ALPK3: variants seen among roughly 807,000 people sequenced by gnomAD.
ALPK3 encodes the protein alpha-protein kinase 3.
In ALPK3, 102 loss-of-function variants were observed where a neutral mutation model predicts 140.0. That is an observed-to-expected ratio of 0.73 (90% CI 0.62 to 0.86). ALPK3 has a LOEUF of 0.86. Ranked by LOEUF, ALPK3 falls within the 40% of genes least tolerant of loss-of-function variation. ALPK3 has a pLI of 0.00. For synonymous variants in ALPK3, 938 were observed against 898.5 expected, an observed-to-expected ratio of 1.04 and a Z score of -0.79; for missense variants, 2,254 against 2,208.2, an observed-to-expected ratio of 1.02 and a Z score of -0.42.
Position 84,864,463 on chromosome 15 carries a change from C to A in ALPK3, c.4521C>A (p.Ile1507=). Residue 1507 remains isoleucine (I), a synonymous_variant, in exon 12 of 14, where the codon ATC becomes ATA. Transcript: ENST00000258888. ...EVPEIIPLYL[I]YRPANNIPYA... is the part of the protein sequence containing the mutation. The stretch of plus-strand genomic sequence containing the variant: ...TTAGGATCATCCCACTGTATCTGAT[C>A]TACCGGCCTGCAAACAATATCCCAT... 6.2e-7 allele frequency: 1 copy of A among 1,614,182 alleles called. No individual in the cohort carries two copies. The highest frequency in any genetic ancestry group is 8.5e-7 in the Non-Finnish European group (1 of 1,180,032).
intron 1 of ALPK3, 65 bp from the exon 2 acceptor site, chr15:84,823,265 G>C (rs1055379327): frequency 1.3e-6 from 2 of 1,582,738 alleles, no homozygotes; most frequent in Non-Finnish European, 1.7e-6. Flanking sequence ...GTTTGCGACT[G>C]TTGATTTCGC....
In ALPK3 at chr15:84,858,464, C is replaced by G; in HGVS notation, c.3726C>G (p.Pro1242=). The G allele has an allele frequency of 6.4e-7, 1 of 1,570,626 alleles. No individual in the cohort carries two copies. Among genetic ancestry groups the G allele is most frequent in the Non-Finnish European group, 8.6e-7 (1 of 1,162,480 alleles). ...ELAAGDLGPS[P]KAGGLDTEVA... is the part of the protein sequence containing the mutation. ...CGGCAGGAGACCTGGGCCCCAGCCC[C>G]AAGGCCGGCGGTCTGGACACAGAGG... Residue 1242 remains proline (P), a synonymous_variant, in exon 6 of 14, where the codon CCC becomes CCG. Coordinates refer to ENST00000258888, the MANE Select transcript of ALPK3 (RefSeq NM_020778.5).
chr15:84,868,055 C>T, intron 13 of ALPK3, 56 bp from the exon 14 acceptor site: 1 of 1,544,642 alleles, frequency 6.5e-7, no homozygotes, highest in Admixed American at 1.9e-5. Context: ...GTCCGCCCCC[C>T]AAGGAACTGT....
Position 84,840,801 on chromosome 15 carries a change from T to G in ALPK3, c.1522T>G (p.Cys508Gly), listed in dbSNP as rs114207635. ...TTCTTCTCTGAGTCAAGCTCCAGAA[T>G]GCGGGGCCCAGAGCTTAGGAAAGGC... ...PISSLSQAPE[C>G]GAQSLGKAPP... Residue 508 changes from cysteine to glycine, a missense_variant, in exon 5 of 14, where the codon TGC becomes GGC. By Grantham distance (159) the Cys-to-Gly change is radical. This residue lies in a region of ALPK3 where 2,088 missense variants were observed against 2,022.9 expected (regional missense o/e 1.03). Coordinates refer to ENST00000258888, the MANE Select transcript of ALPK3 (RefSeq NM_020778.5). The G allele has an allele frequency of 1.1e-3, 1,784 of 1,614,178 alleles. 8 individuals are homozygous for G. The African/African-American group carries it at 0.014, about 13-fold the overall frequency.
intron 11 of ALPK3, 47 bp from the exon 12 acceptor site, chr15:84,864,395 T>C (rs764739200): frequency 6.4e-7 from 1 of 1,570,714 alleles, no homozygotes; most frequent in Non-Finnish European, 8.7e-7. Flanking sequence ...AGGGAGGAGC[T>C]CTCTGGGCCA....
At chr15:84,852,509 C>G in intron 5 of ALPK3, 1 of 271,162 alleles carries the variant, frequency 3.7e-6, no homozygotes, top group African/African-American at 2.2e-5. Context: ...CTTATATCTC[C>G]CCAGGAAAAC....
In ALPK3 at chr15:84,857,875, G is replaced by T. The variant is rs184951836; in HGVS notation, c.3137G>T (p.Arg1046Leu). ...CGCCGCCTCACCGGCCTCCTGGACC[G>T]TGAGGTGCAGGCTGGCCGCCAGGCC... ...TSRRLTGLLD[R>L]EVQAGRQALA... Residue 1046 changes from arginine (R) to leucine (L), a missense_variant, in exon 6 of 14, where the codon CGT (arginine) becomes CTT (leucine). Physicochemically the swap from Arg to Leu is moderately radical, Grantham distance 102. This residue lies in a region of ALPK3 where 2,088 missense variants were observed against 2,022.9 expected (regional missense o/e 1.03). Transcript: ENST00000258888. The T allele has an allele frequency of 6.2e-7, 1 of 1,612,498 alleles. No homozygotes were observed. The highest frequency in any genetic ancestry group is 8.5e-7 in the Non-Finnish European group (1 of 1,179,518).
chr15:84,832,460 T>C (rs1369139016), intron 3 of ALPK3, among the ~76,000 whole-genome samples: 1 of 152,216 alleles, frequency 6.6e-6, no homozygotes. Context: ...AGATGGCATG[T>C]TCATTCTGCC....
intron 1 of ALPK3, 83 bp downstream of exon 1, chr15:84,817,678 G>A (rs1963377014): frequency 7.4e-7 from 1 of 1,360,536 alleles, no homozygotes; most frequent in Non-Finnish European, 9.5e-7. Flanking sequence ...GGCCCCTGGA[G>A]GCCTGGGCTG....
chr15:84,837,766 C>G (rs141502455), intron 3 of ALPK3, among the ~76,000 whole-genome samples: 5 of 152,352 alleles, frequency 3.3e-5, no homozygotes, highest in Admixed American at 2.0e-4. Flanking sequence ...TTGCAACTCT[C>G]TCTGTCTTCC....
In ALPK3 at chr15:84,865,851, G is replaced by T. The variant is rs1219324383; in HGVS notation, c.4723+1186G>T. 2.0e-5 allele frequency among the ~76,000 whole-genome samples: 3 copies of T among 152,188 alleles called. No individual in the cohort carries two copies. The East Asian group carries it at 5.8e-4, about 29-fold the overall frequency. ...AGCTATTTGGGAGGGCAGGGCTTGA[G>T]AATTGCTTGAACCCGGGAGGCAGAG... On this transcript the variant is annotated intron_variant, in intron 12 of 13. Transcript: ENST00000258888.
chr15:84,855,994 T>C (rs1342629554), intron 5 of ALPK3, among the ~76,000 whole-genome samples: 6 of 152,094 alleles, frequency 3.9e-5, no homozygotes, highest in Non-Finnish European at 7.4e-5. Context: ...TCCAAGGCAA[T>C]TAGTGCCACA....
intron 2 of ALPK3, among the ~76,000 whole-genome samples, chr15:84,824,890 C>T (rs891354701): frequency 6.6e-6 from 1 of 152,080 alleles, no homozygotes; most frequent in African/African-American, 2.4e-5. Flanking sequence ...ATCCCACATT[C>T]GAATGGTTTG....
Position 84,817,576 on chromosome 15 carries a change from A to T in ALPK3, c.124A>T (p.Ser42Cys). 6.7e-7 allele frequency: 1 copy of T among 1,502,500 alleles called. No individual in the cohort carries two copies. Among genetic ancestry groups the T allele is most frequent in the Non-Finnish European group, 8.8e-7 (1 of 1,131,298 alleles). 93.1% of individuals were successfully genotyped at this position (1,502,500 alleles called of 1,614,324 possible). A position where few individuals can be genotyped will look rare whatever the true frequency, so the allele number is the denominator to read the frequency against. ...CCCAGCCAGCCGGAGCTACCTGCTC[A>T]GCGTGCGGCCCGAGACCAGGTAAGT... Reference protein sequence around the residue: ...PSPASRSYLLSVRPETSLSSN... With the variant: ...PSPASRSYLLCVRPETSLSSN... The change falls in exon 1 of 14, where the codon AGC becomes TGC. Residue 42 changes from serine to cysteine, a missense_variant. Physicochemically the swap from Ser to Cys is moderately radical, Grantham distance 112. This residue lies in a region of ALPK3 where 2,088 missense variants were observed against 2,022.9 expected (regional missense o/e 1.03). Transcript: ENST00000258888.
In ALPK3 at chr15:84,872,322, G is replaced by C. The variant is rs1393344802; in HGVS notation, c.*3866G>C. 6.6e-6 allele frequency: 1 copy of C among 152,234 alleles called. No individual in the cohort carries two copies. The highest frequency in any genetic ancestry group is 2.4e-5 in the African/African-American group (1 of 41,462). 9.4% of individuals were successfully genotyped at this position (152,234 alleles called of 1,614,324 possible). On this transcript the variant is annotated 3_prime_UTR_variant, in exon 14 of 14. Transcript: ENST00000258888. ...TTCCCGTATCATATTTTCTTGTCAG[G>C]ACTTACCGCAAGCTATGTATGGCTC...
Position 84,856,832 on chromosome 15 carries a change from G to A in ALPK3, c.2094G>A (p.Met698Ile), listed in dbSNP as rs1330180462. The A allele has an allele frequency of 2.5e-6, 4 of 1,613,608 alleles. No homozygotes were observed. The African/African-American group carries it at 4.0e-5, about 16-fold the overall frequency. ...AGGGCACACAGGAAGACAGAAGGAT[G>A]CAGGGAGAGAAGGGGATGCAGGGAG... ...ADKGTQEDRR[M>I]QGEKGMQGEK... The change falls in exon 6 of 14, where the codon ATG becomes ATA. Residue 698 changes from methionine to isoleucine, a missense_variant. Met to Ile is a conservative substitution (Grantham distance 10). Transcript: ENST00000258888.
intron 2 of ALPK3, among the ~76,000 whole-genome samples, chr15:84,825,959 G>A (rs1297685181): frequency 2.0e-5 from 3 of 152,164 alleles, no homozygotes; most frequent in Non-Finnish European, 2.9e-5. Context: ...TGTAGGGAGT[G>A]TTACAGAACA....
chr15:84,867,156 A>G (rs1407481049), intron 12 of ALPK3, among the ~76,000 whole-genome samples, 161 bp from the exon 13 acceptor site: 1 of 151,682 alleles, frequency 6.6e-6, no homozygotes, highest in Non-Finnish European at 1.5e-5. Context: ...ACCTGCACTG[A>G]CACCCAGGAA....
intron 5 of ALPK3, among the ~76,000 whole-genome samples, chr15:84,848,719 AT>A (rs1181172664): frequency 7.9e-5 from 12 of 152,220 alleles, no homozygotes. Context: ...TCAATAAGAA[AT>A]CCATTTCAAA....
Sources: gnomAD v4.1 joint callset for allele counts (sites outside exome capture counted in the v4.1 genomes callset) on GRCh38, gnomAD v4.1.1 for gene constraint, gnomAD v4.1.1 regional missense constraint, MANE v1.5 for transcripts, NCBI Gene and HGNC (gene_info 2026-07-23, HGNC 2026-07-21) for gene names.